Variants in ABCC6 observed in about 807,000 individuals in gnomAD.
The protein encoded by ABCC6 is ATP-binding cassette sub-family C member 6.
A neutral mutation model predicts 169.5 loss-of-function variants in ABCC6; 126 were observed. That is an observed-to-expected ratio of 0.74 (90% CI 0.64 to 0.86). The LOEUF (loss-of-function observed/expected upper bound fraction) is 0.86, where lower values mean the gene tolerates loss of function less well. ABCC6 is among the 40% of genes least tolerant of loss of function. The pLI, the probability that ABCC6 is intolerant of heterozygous loss-of-function variation, is 0.00. For synonymous variants in ABCC6, 752 were observed against 814.7 expected (o/e 0.92, Z 1.31); for missense variants, 1,733 against 1,927.2 (o/e 0.90, Z 1.89).
Position 16,204,046 on chromosome 16 carries a change from T to C in ABCC6, c.795-433A>G, listed in dbSNP as rs546239491. ...CTCTGCCTCCAGAGCCCATGCACTTTTCTTTTTTCTTTTCCTTTTTTTTTT... is the reference window on the plus strand; with the variant it reads ...CTCTGCCTCCAGAGCCCATGCACTTCTCTTTTTTCTTTTCCTTTTTTTTTT... On this transcript the variant is annotated intron_variant, in intron 7 of 30. Coordinates refer to ENST00000205557, the MANE Select transcript of ABCC6 (RefSeq NM_001171.6). Among the ~76,000 whole-genome samples, 10 of 152,156 alleles carry C rather than the reference T, an allele frequency of 6.6e-5. 1 individual carries two copies. Among genetic ancestry groups the C allele is most frequent in the Middle Eastern group, 6.8e-3 (2 of 292 alleles).
rs1417615773 is a variant in ABCC6 at position 16,214,601 on chromosome 16, T to A, written c.475-152A>T. The A allele has an allele frequency of 2.1e-6, 3 of 1,440,146 alleles. No individual in the cohort carries two copies. The African/African-American group carries it at 4.3e-5, about 21-fold the overall frequency. 89.2% of individuals were successfully genotyped at this position (1,440,146 alleles called of 1,614,324 possible). ...CCCTGGCTTTCCTAGTGGTTCTAAT[T>A]TTCTTTCTTTCTTTTTTTTTTAAGA... On this transcript the variant is annotated intron_variant, in intron 4 of 30. Coordinates refer to ENST00000205557, the MANE Select transcript of ABCC6 (RefSeq NM_001171.6).
chr16:16,171,374 G>A (rs929527421), intron 21 of ABCC6, among the ~76,000 whole-genome samples: 6 of 152,140 alleles, frequency 3.9e-5, no homozygotes, highest in African/African-American at 1.4e-4. Context: ...ATGAGCCACT[G>A]CGCCTGATCA....
chr16:16,214,330 C>A lies in ABCC6; in HGVS notation c.594G>T (p.Gln198His). The change falls in exon 5 of 31, where the codon CAG (glutamine) becomes CAT (histidine). Residue 198 changes from glutamine to histidine, a missense_variant. Physicochemically the swap from Gln to His is conservative, Grantham distance 24 (BLOSUM62 0). Transcript: ENST00000205557. ...DQPPFFPEDP[Q>H]QSNPCPETGA... is the part of the protein sequence containing the mutation. The stretch of plus-strand genomic sequence containing the variant: ...TTGGAACTTGGTGACTTACAGACTG[C>A]TGGGGGTCTTCAGGGAAGAAGGGGG... 1 of 1,550,530 alleles carries A rather than the reference C, an allele frequency of 6.4e-7. No homozygotes were observed. The highest frequency in any genetic ancestry group is 8.7e-7 in the Non-Finnish European group (1 of 1,146,316).
intron 12 of ABCC6, among the ~76,000 whole-genome samples, chr16:16,189,419 CT>C (rs142245731): frequency 1.7e-3 from 241 of 138,120 alleles, no homozygotes; most frequent in Admixed American, 2.7e-3. Flanking sequence ...ATTTGTGGTG[CT>C]TTTTTTTTTT....
chr16:16,183,079 G>A, intron 15 of ABCC6, 149 bp from the exon 16 acceptor site: 1 of 1,238,292 alleles, frequency 8.1e-7, no homozygotes, highest in Non-Finnish European at 1.2e-6. Context: ...TCCTTGTCTA[G>A]CTATTTGAGG....
intron 22 of ABCC6, among the ~76,000 whole-genome samples, chr16:16,166,387 C>T (rs1482266854): frequency 6.6e-6 from 1 of 151,824 alleles, no homozygotes; most frequent in Non-Finnish European, 1.5e-5. Context: ...AAGAGTGTCC[C>T]CCAAAATTCA....
intron 17 of ABCC6, among the ~76,000 whole-genome samples, chr16:16,181,350 A>T: frequency 1.8e-5 from 1 of 55,282 alleles, no homozygotes; most frequent in East Asian, 3.0e-4. Flanking sequence ...CTCAGAAAAA[A>T]AAAAAAAAAA....
At chr16:16,174,887 A>C (rs1411581522) in intron 20 of ABCC6, among the ~76,000 whole-genome samples, 1 of 149,734 alleles carries the variant, frequency 6.7e-6, no homozygotes, top group Non-Finnish European at 1.5e-5. Flanking sequence ...CAGCCTCCCG[A>C]GTAGCTGGGA....
At chr16:16,150,872 A>G (rs1192759473) in intron 29 of ABCC6, 100 bp from the exon 30 acceptor site, 8 of 1,541,166 alleles carry the variant, frequency 5.2e-6, no homozygotes, top group Non-Finnish European at 7.0e-6. Context: ...TGCAGGAGTG[A>G]GGTGCCTGTG....
rs559686540 is a variant in ABCC6, at chr16:16,205,595, A to AT, written c.795-1983dup. On this transcript the variant is annotated intron_variant, in intron 7 of 30. Transcript: ENST00000205557. ...TGGGTGTGGCCTGCTGCTCACAAAT[A>AT]TTTTGGCATTTGGATCTCAAAGCCA... Among the ~76,000 whole-genome samples, 22 of 152,120 alleles carry AT rather than the reference A, an allele frequency of 1.4e-4. No homozygotes were observed. The East Asian group carries it at 4.3e-3, about 29-fold the overall frequency.
intron 4 of ABCC6, among the ~76,000 whole-genome samples, 176 bp downstream of exon 4, chr16:16,219,378 A>T (rs2048999450): frequency 6.6e-6 from 1 of 152,110 alleles, no homozygotes; most frequent in African/African-American, 2.4e-5. Flanking sequence ...AATGTATGGG[A>T]TGATGGGTAC....
intron 17 of ABCC6, among the ~76,000 whole-genome samples, chr16:16,179,879 C>T (rs992983429): frequency 3.3e-5 from 5 of 152,214 alleles, no homozygotes; most frequent in African/African-American, 1.2e-4. Flanking sequence ...GCGTGAGCCA[C>T]TGCGCCCGGC....
intron 29 of ABCC6, among the ~76,000 whole-genome samples, chr16:16,153,501 C>T (rs141990892): frequency 1.9e-3 from 294 of 152,196 alleles, no homozygotes; most frequent in African/African-American, 6.7e-3. Flanking sequence ...CTCAGAGAGA[C>T]AGGAGAATGC....
At chr16:16,216,454 C>T (rs2048878874) in intron 4 of ABCC6, among the ~76,000 whole-genome samples, 1 of 149,660 alleles carries the variant, frequency 6.7e-6, no homozygotes, top group Admixed American at 6.7e-5. Flanking sequence ...TAAAGTTTGT[C>T]TTTCTGTGCC....
Position 16,150,772 on chromosome 16 carries a change from G to T in ABCC6, c.4209C>A (p.Ser1403Arg), listed in dbSNP as rs63750700. ...GACACAGGAGCTGTTTCTGGCCCACGCTGGGAACGATTGGGACAATTAGCT... is the reference window on the plus strand; with the variant it reads ...GACACAGGAGCTGTTTCTGGCCCACTCTGGGAACGATTGGGACAATTAGCT... The part of the protein sequence containing the change: ...YKCADRGEDL[S>R]VGQKQLLCLA... Residue 1403 changes from serine to arginine, a missense_variant and splice_region_variant, in exon 30 of 31, where the codon AGC becomes AGA. By Grantham distance (110) the Ser-to-Arg change is moderately radical. Transcript: ENST00000205557. 4 of 1,613,180 alleles carry T rather than the reference G, an allele frequency of 2.5e-6. No homozygotes were observed. The highest frequency in any genetic ancestry group is 1.7e-5 in the Admixed American group (1 of 59,920).
Position 16,190,184 on chromosome 16 carries a change from A to G in ABCC6, c.1615T>C (p.Phe539Leu). Residue 539 changes from phenylalanine (F) to leucine (L), a missense_variant, in exon 12 of 31, where the codon TTC (phenylalanine) becomes CTC (leucine). Physicochemically the swap from Phe to Leu is conservative, Grantham distance 22 (BLOSUM62 0). Coordinates refer to ENST00000205557, the MANE Select transcript of ABCC6 (RefSeq NM_001171.6). ...GLLFSVSLVSFQVSTFLVALV... is the reference protein window; with the variant it reads ...GLLFSVSLVSLQVSTFLVALV... Reference sequence around the variant, plus strand: ...GTCACCAGAAATGTAGACACTTGGAAGGACACCAGCGACACAGAGAAGAGG... The same window carrying G: ...GTCACCAGAAATGTAGACACTTGGAGGGACACCAGCGACACAGAGAAGAGG... The G allele has an allele frequency of 6.2e-7, 1 of 1,613,922 alleles. No homozygotes were observed. Among genetic ancestry groups the G allele is most frequent in the Middle Eastern group, 1.7e-4 (1 of 6,008 alleles).
Position 16,221,845 on chromosome 16 carries a change from A to G in ABCC6, c.37-14T>C. 1 of 1,612,836 alleles carries G rather than the reference A, an allele frequency of 6.2e-7. No homozygotes were observed. ...CTGGTTCCAGACCTGAGGGAACACAAAGAGGACCCTTAGGATGGTACAAGG... is the reference window on the plus strand; with the variant it reads ...CTGGTTCCAGACCTGAGGGAACACAGAGAGGACCCTTAGGATGGTACAAGG... On this transcript the variant is annotated splice_polypyrimidine_tract_variant and intron_variant, in intron 1 of 30. Transcript: ENST00000205557.
At chr16:16,180,588 G>C (rs764069564) in intron 17 of ABCC6, among the ~76,000 whole-genome samples, 36 of 152,132 alleles carry the variant, frequency 2.4e-4, no homozygotes, top group Non-Finnish European at 2.2e-4. Context: ...TGCCTACTGG[G>C]TTCAAGCGAT....
intron 24 of ABCC6, 124 bp from the exon 25 acceptor site, chr16:16,161,688 C>T: frequency 7.7e-7 from 1 of 1,300,904 alleles, no homozygotes; most frequent in Non-Finnish European, 1.1e-6. Flanking sequence ...ATGGCCTCCA[C>T]ATGCAACCCA....
Sources: allele counts gnomAD v4.1 joint callset (sites outside exome capture counted in the v4.1 genomes callset), GRCh38; gene constraint gnomAD v4.1.1; transcripts MANE v1.5; gene names NCBI Gene and HGNC (gene_info 2026-07-23, HGNC 2026-07-21).